The following RPS6KL1 variants were observed in gnomAD, a reference collection of about 807,000 sequenced individuals.
RPS6KL1 encodes the protein ribosomal protein S6 kinase like 1.
A neutral mutation model predicts 57.0 loss-of-function variants in RPS6KL1; 41 were observed. The observed-to-expected ratio is 0.72, with a 90% CI of 0.56 to 0.93. The LOEUF is 0.93. Among genes scored for constraint, RPS6KL1 ranks in the 40% least tolerant of loss-of-function variants. The pLI, the probability that RPS6KL1 is intolerant of heterozygous loss-of-function variation, is 0.00. For missense variants in RPS6KL1, 697 were observed against 727.7 expected, an observed-to-expected ratio of 0.96 and a Z score of 0.49; for synonymous variants, 287 against 309.7, an observed-to-expected ratio of 0.93 and a Z score of 0.77.
intron 10 of RPS6KL1, among the ~76,000 whole-genome samples, chr14:74,907,802 A>G (rs1340049436): frequency 6.6e-6 from 1 of 152,202 alleles, no homozygotes; most frequent in African/African-American, 2.4e-5. Flanking sequence ...AGAAGCAACT[A>G]TCTTGGGTTG....
At chr14:74,909,310 A>G (rs60635665) in intron 8 of RPS6KL1, 120 bp from the exon 9 acceptor site, 1 of 1,103,026 alleles carries the variant, frequency 9.1e-7, no homozygotes, top group Admixed American at 2.0e-5. Context: ...CTGGGCAGAA[A>G]CTCGGCAGGG....
chr14:74,922,709 C>G lies in RPS6KL1; in HGVS notation c.-528-224G>C, dbSNP rs572071611. ...GCCGTGGCTGCGGGAAGGGAAGGGG[C>G]TCAGAGAGAGGCCCACAAAGCTACC... On this transcript the variant is annotated intron_variant, in intron 1 of 11. Coordinates refer to ENST00000557413, the MANE Select transcript of RPS6KL1 (RefSeq NM_031464.5). 1.2e-3 allele frequency among the ~76,000 whole-genome samples: 177 copies of G among 152,350 alleles called. 1 individual carries two copies. The highest frequency in any genetic ancestry group is 3.4e-3 in the Middle Eastern group (1 of 294).
In RPS6KL1 at chr14:74,911,410, G is replaced by A. The variant is rs200163493; in HGVS notation, c.532-30C>T. 255 of 1,592,960 alleles carry A rather than the reference G, an allele frequency of 1.6e-4. 1 individual carries two copies. The African/African-American group carries it at 2.4e-3, about 15-fold the overall frequency. On this transcript the variant is annotated intron_variant, in intron 6 of 11. Transcript: ENST00000557413. ...GAGCAGCAGGGCAGGCAGATCAGCC[G>A]GGGACAGGCCAGAGACTGCTGCTGT...
chr14:74,914,277 G>A (rs1004148362), intron 5 of RPS6KL1, among the ~76,000 whole-genome samples: 3 of 152,250 alleles, frequency 2.0e-5, no homozygotes, highest in Non-Finnish European at 4.4e-5. Flanking sequence ...AAACTCTGGA[G>A]TCATTTAGGA....
chr14:74,911,609 GTA>G, intron 6 of RPS6KL1, 183 bp downstream of exon 6: 5 of 665,414 alleles, frequency 7.5e-6, no homozygotes, highest in East Asian at 2.7e-5. Flanking sequence ...ATGTGTATGT[GTA>G]TGTGTATGTG....
At position 74,910,169 on chromosome 14, in the gene RPS6KL1, G is replaced by A. The variant is rs201825445; in HGVS notation, c.665-21C>T. The A allele has an allele frequency of 8.1e-5, 122 of 1,501,276 alleles. No homozygotes were observed. In the African/African-American group the frequency reaches 9.9e-4, roughly 12 times the overall value. 93.0% of individuals were successfully genotyped at this position (1,501,276 alleles called of 1,614,324 possible). ...GCCTCCTGGGCCATGCAGAGGGAGC[G>A]GTGAGCGTGGGGACAGGGAGAAAAA... On this transcript the variant is annotated intron_variant, in intron 7 of 11. Transcript: ENST00000557413.
At position 74,906,321 on chromosome 14, in the gene RPS6KL1, TC is replaced by T. The variant is rs1321253601; in HGVS notation, c.*692del. Reference sequence around the variant, plus strand: ...AGGGGCAGACCCATGCATTCCTTCCTCCCCCCATTACTCTTATTTTCTTCCC... The same window carrying T: ...AGGGGCAGACCCATGCATTCCTTCCTCCCCCATTACTCTTATTTTCTTCCC... On this transcript the variant is annotated 3_prime_UTR_variant, in exon 12 of 12. Coordinates refer to ENST00000557413, the MANE Select transcript of RPS6KL1 (RefSeq NM_031464.5). The T allele has an allele frequency of 2.3e-5, 8 of 342,506 alleles. 1 individual carries two copies. In the Admixed American group the frequency reaches 2.4e-4, roughly 10 times the overall value. The allele number at this position is 342,506 out of a possible 1,614,324, so 21.2% of individuals were successfully genotyped here.
Position 74,919,828 on chromosome 14 carries a change from G to A in RPS6KL1, c.390+17C>T, listed in dbSNP as rs563073391. On this transcript the variant is annotated intron_variant, in intron 4 of 11. Coordinates refer to ENST00000557413, the MANE Select transcript of RPS6KL1 (RefSeq NM_031464.5). ...CCTCCTCCCGCTCAGGCCTTTGGGT[G>A]GGGGGGGTCTCCTCACCGCGCTGGG... 6.7e-6 allele frequency: 10 copies of A among 1,491,476 alleles called. No individual in the cohort carries two copies. Among genetic ancestry groups the A allele is most frequent in the South Asian group, 2.3e-5 (2 of 87,274 alleles). 92.4% of individuals were successfully genotyped at this position (1,491,476 alleles called of 1,614,324 possible). A position where few individuals can be genotyped will look rare whatever the true frequency, so the allele number is the denominator to read the frequency against.
Position 74,921,640 on chromosome 14 carries a change from G to C in RPS6KL1, c.-20-79C>G, listed in dbSNP as rs1038264763. 15 of 1,493,964 alleles carry C rather than the reference G, an allele frequency of 1.0e-5. No individual in the cohort carries two copies. The African/African-American group carries it at 1.7e-4, about 17-fold the overall frequency. The allele number at this position is 1,493,964 out of a possible 1,614,324, so 92.5% of individuals were successfully genotyped here. ...CGCACCCCAGTTTCCTCCACTGAAT[G>C]TCAGGGAGACTCATATTCACCTCCA... On this transcript the variant is annotated intron_variant, in intron 2 of 11. Coordinates refer to ENST00000557413, the MANE Select transcript of RPS6KL1 (RefSeq NM_031464.5).
intron 5 of RPS6KL1, 113 bp from the exon 6 acceptor site, chr14:74,911,954 A>T (rs1476543124): frequency 1.1e-4 from 76 of 719,678 alleles, no homozygotes; most frequent in East Asian, 1.5e-4. Flanking sequence ...CTCCAGTGGC[A>T]GGGCAGGGAG....
chr14:74,910,212 C>G (rs1594914036), intron 7 of RPS6KL1, 64 bp from the exon 8 acceptor site: 1 of 1,476,508 alleles, frequency 6.8e-7, no homozygotes, highest in Admixed American at 2.3e-5. Flanking sequence ...GATGCCAGGG[C>G]CGGCTCCCAC....
Position 74,906,470 on chromosome 14 carries a change from G to T in RPS6KL1, c.*544C>A. 2.2e-6 allele frequency: 1 copy of T among 447,486 alleles called. No homozygotes were observed. The highest frequency in any genetic ancestry group is 1.6e-5 in the South Asian group (1 of 61,694). The allele number at this position is 447,486 out of a possible 1,614,324, so 27.7% of individuals were successfully genotyped here. ...CTCATCCCTCCCTGCACAACAGATG[G>T]CATCCCTGCTTCTGGGCCTCCCCAG... On this transcript the variant is annotated 3_prime_UTR_variant, in exon 12 of 12. Coordinates refer to ENST00000557413, the MANE Select transcript of RPS6KL1 (RefSeq NM_031464.5).
rs143319540 is a variant in RPS6KL1 at position 74,907,453 on chromosome 14, C to T, written c.1521G>A (p.Ala507=). The stretch of plus-strand genomic sequence containing the variant: ...ACCTCACCTCAGTCAGCAGAGAGGC[C>T]GCTGGGCGACTGAGCCACTCGGGCA... The part of the protein sequence containing the change: ...LQLPEWLSRP[A]ASLLTELLQF... The change falls in exon 11 of 12, where the codon GCG becomes GCA. Residue 507 remains alanine (A), a synonymous_variant. Transcript: ENST00000557413. 212 of 1,583,046 alleles carry T rather than the reference C, an allele frequency of 1.3e-4. No homozygotes were observed. The highest frequency in any genetic ancestry group is 2.7e-4 in the Admixed American group (15 of 55,510).
intron 8 of RPS6KL1, 33 bp from the exon 9 acceptor site, chr14:74,909,223 G>A (rs754642544): frequency 1.4e-5 from 22 of 1,593,084 alleles, no homozygotes; most frequent in Non-Finnish European, 1.9e-5. Context: ...GGAGGGGACA[G>A]ATTGAGGACA....
rs377686038 is a variant in RPS6KL1 at position 74,909,958 on chromosome 14, C to G, written c.855G>C (p.Pro285=). The G allele has an allele frequency of 6.8e-5, 109 of 1,613,972 alleles. 2 individuals carry two copies. The South Asian group carries it at 1.1e-3, about 16-fold the overall frequency. Residue 285 remains proline, a synonymous_variant, in exon 8 of 12, where the codon CCG becomes CCC. Transcript: ENST00000557413. ...RIALEPPRTS[P]NLLLAGEAPS... Reference sequence around the variant, plus strand: ...GGGCCTCCCCAGCTAGGAGAAGGTTCGGAGAAGTCCTAGGAGGCTCCAGGG... The same window carrying G: ...GGGCCTCCCCAGCTAGGAGAAGGTTGGGAGAAGTCCTAGGAGGCTCCAGGG...
rs1041371009 is a variant in RPS6KL1 at position 74,910,956 on chromosome 14, C to G, written c.664+292G>C. 1.3e-4 allele frequency: 45 copies of G among 350,234 alleles called. No individual in the cohort carries two copies. In the East Asian group the frequency reaches 3.1e-3, roughly 24 times the overall value. 21.7% of individuals were successfully genotyped at this position (350,234 alleles called of 1,614,324 possible). On this transcript the variant is annotated intron_variant, in intron 7 of 11. Coordinates refer to ENST00000557413, the MANE Select transcript of RPS6KL1 (RefSeq NM_031464.5). ...GCGTGATCTTGGCTCACTGCAACCT[C>G]CACCTCCCGGGTTCAAGCCATTCTC...
At position 74,909,752 on chromosome 14, in the gene RPS6KL1, G is replaced by C. The variant is rs561211674; in HGVS notation, c.1061C>G (p.Pro354Arg). 6.2e-7 allele frequency: 1 copy of C among 1,606,692 alleles called. No individual in the cohort carries two copies. Among genetic ancestry groups the C allele is most frequent in the South Asian group, 1.1e-5 (1 of 90,958 alleles). Residue 354 changes from proline (P) to arginine (R), a missense_variant, in exon 8 of 12, where the codon CCG (proline) becomes CGG (arginine). Coordinates refer to ENST00000557413, the MANE Select transcript of RPS6KL1 (RefSeq NM_031464.5). ...GLTWVPEGAG[P>R]VLGGCGRGMD... ...GCCTCGGCCACAGCCCCCTAGCACC[G>C]GGCCGGCCCCCTCAGGAACCCAAGT...
chr14:74,907,223 C>G (rs1301488459), intron 11 of RPS6KL1, 99 bp from the exon 12 acceptor site: 3 of 1,349,268 alleles, frequency 2.2e-6, no homozygotes, highest in South Asian at 1.4e-5. Flanking sequence ...GGGCCTGCTC[C>G]CTGGCAGCCT....
rs773637719 is a variant in RPS6KL1, at chr14:74,906,747, A to T, written c.*267T>A. On this transcript the variant is annotated 3_prime_UTR_variant, in exon 12 of 12. Coordinates refer to ENST00000557413, the MANE Select transcript of RPS6KL1 (RefSeq NM_031464.5). ...TTAACATGGTGAGTCCACATGCTCA[A>T]CGGGTCTGTTGACTGATGGGTAGAT... 45 of 631,828 alleles carry T rather than the reference A, an allele frequency of 7.1e-5. No individual in the cohort carries two copies. The highest frequency in any genetic ancestry group is 7.0e-4 in the African/African-American group (39 of 55,462). 39.1% of individuals were successfully genotyped at this position (631,828 alleles called of 1,614,324 possible). A position where few individuals can be genotyped will look rare whatever the true frequency, so the allele number is the denominator to read the frequency against.
Sources: gnomAD v4.1 joint callset for allele counts (sites outside exome capture counted in the v4.1 genomes callset) on GRCh38, gnomAD v4.1.1 for gene constraint, MANE v1.5 for transcripts, NCBI Gene and HGNC (gene_info 2026-07-23, HGNC 2026-07-21) for gene names.